UTRN: variants seen among roughly 807,000 people sequenced by gnomAD.
The protein encoded by UTRN is dystrophin-related protein 1.
A neutral mutation model predicts 463.9 loss-of-function variants in UTRN; 283 were observed. The ratio of observed to expected loss-of-function variants is 0.61; its 90% CI spans 0.55 to 0.67. UTRN has a LOEUF of 0.67. Ranked by LOEUF, UTRN falls within the 30% of genes least tolerant of loss-of-function variation. The pLI, the probability that UTRN is intolerant of heterozygous loss-of-function variation, is 0.00. For synonymous variants in UTRN, 1,442 were observed against 1,431.5 expected (o/e 1.01, Z -0.17); for missense variants, 3,922 against 4,084.3 (o/e 0.96, Z 1.08).
intron 2 of UTRN, among the ~76,000 whole-genome samples, chr6:144,296,390 CT>C (rs1804703033): frequency 6.6e-6 from 1 of 152,258 alleles, no homozygotes; most frequent in Admixed American, 6.5e-5. Context: ...AACCATCCCC[CT>C]CATCCCTTGG....
chr6:144,330,140 G>C (rs535786567), intron 2 of UTRN, among the ~76,000 whole-genome samples: 1 of 152,324 alleles, frequency 6.6e-6, no homozygotes, highest in Admixed American at 6.5e-5. Context: ...ATCTATTCAA[G>C]TCCATAGTTC....
chr6:144,636,010 G>A (rs1467427296), intron 51 of UTRN, among the ~76,000 whole-genome samples: 3 of 152,006 alleles, frequency 2.0e-5, no homozygotes, highest in Non-Finnish European at 2.9e-5. Context: ...TAATTTATAT[G>A]TATGAATTTT....
intron 54 of UTRN, among the ~76,000 whole-genome samples, chr6:144,746,157 T>C (rs1023211711): frequency 1.3e-5 from 2 of 151,830 alleles, no homozygotes; most frequent in Non-Finnish European, 2.9e-5. Context: ...TGCGCTACCA[T>C]ACCCAGCTAA....
In UTRN at chr6:144,487,662, G is replaced by A; in HGVS notation, c.3937G>A (p.Ala1313Thr). 1.9e-6 allele frequency: 3 copies of A among 1,612,484 alleles called. No individual in the cohort carries two copies. The highest frequency in any genetic ancestry group is 2.5e-6 in the Non-Finnish European group (3 of 1,179,112). Reference protein sequence around the residue: ...LDDIISEKLEAFNSRYEDLSH... With the variant: ...LDDIISEKLETFNSRYEDLSH... ...TGATATAATCAGTGAGAAACTGGAG[G>A]CTTTCAACAGCCGATATGAAGATCT... Residue 1313 changes from alanine (A) to threonine (T), a missense_variant, in exon 29 of 75, where the codon GCT (alanine) becomes ACT (threonine). Physicochemically the swap from Ala to Thr is moderately conservative, Grantham distance 58. Around this residue, in one of 3 missense-constraint regions of UTRN, gnomAD observed 2,349 missense variants for 2,303.8 expected, o/e 1.02. Coordinates refer to ENST00000367545, the MANE Select transcript of UTRN (RefSeq NM_007124.3).
chr6:144,468,429 C>A (rs762810306), intron 23 of UTRN, among the ~76,000 whole-genome samples: 38 of 152,042 alleles, frequency 2.5e-4, no homozygotes, highest in Non-Finnish European at 4.3e-4. Flanking sequence ...ATTTTATATT[C>A]ATTTGAATAT....
At chr6:144,412,048 TTC>T (rs1472498308) in intron 3 of UTRN, among the ~76,000 whole-genome samples, 8 of 152,328 alleles carry the variant, frequency 5.3e-5, no homozygotes, top group South Asian at 4.1e-4. Context: ...GCTGTGTTTG[TTC>T]TTTTACCACA....
chr6:144,314,049 C>A (rs1173664561), intron 2 of UTRN, among the ~76,000 whole-genome samples: 1 of 151,914 alleles, frequency 6.6e-6, no homozygotes, highest in Non-Finnish European at 1.5e-5. Flanking sequence ...GGGAGGGGCT[C>A]AGAGAGGGAG....
intron 74 of UTRN, 49 bp downstream of exon 74, chr6:144,846,876 A>G: frequency 6.2e-7 from 1 of 1,609,872 alleles, no homozygotes; most frequent in East Asian, 2.2e-5. Flanking sequence ...CCCAACCTAG[A>G]GTAAGCAGAT....
intron 71 of UTRN, 156 bp downstream of exon 71, chr6:144,836,697 G>T: frequency 8.5e-7 from 1 of 1,181,638 alleles, no homozygotes; most frequent in East Asian, 2.6e-5. Flanking sequence ...CCTTTTACAT[G>T]TAAGCATATA....
At chr6:144,412,921 C>A (rs894134772) in intron 3 of UTRN, among the ~76,000 whole-genome samples, 1 of 152,114 alleles carries the variant, frequency 6.6e-6, no homozygotes, top group Non-Finnish European at 1.5e-5. Context: ...TAAGATGACA[C>A]TCATCAGACA....
chr6:144,829,350 A>G (rs186774027), intron 69 of UTRN, among the ~76,000 whole-genome samples: 85 of 152,216 alleles, frequency 5.6e-4, no homozygotes, highest in Middle Eastern at 3.4e-3. Context: ...TTATTTTATT[A>G]GCAACTAAGA....
At chr6:144,393,748 G>C (rs142282816) in intron 2 of UTRN, among the ~76,000 whole-genome samples, 1 of 152,252 alleles carries the variant, frequency 6.6e-6, no homozygotes, top group East Asian at 1.9e-4. Context: ...AGGAGAGAAA[G>C]AGGGGGAGAG....
chr6:144,684,239 G>C (rs141146227), intron 52 of UTRN, among the ~76,000 whole-genome samples: 1 of 151,752 alleles, frequency 6.6e-6, no homozygotes, highest in Non-Finnish European at 1.5e-5. Flanking sequence ...TAGTAGAGAC[G>C]AGGTTTCATC....
chr6:144,475,953 A>G (rs1791146518), intron 25 of UTRN, among the ~76,000 whole-genome samples: 2 of 151,032 alleles, frequency 1.3e-5, no homozygotes, highest in South Asian at 2.1e-4. Context: ...GTGTGCGCCT[A>G]TAGTCCCAGC....
chr6:144,779,737 A>C (rs1775650221), intron 60 of UTRN, among the ~76,000 whole-genome samples: 1 of 152,234 alleles, frequency 6.6e-6, no homozygotes, highest in Non-Finnish European at 1.5e-5. Flanking sequence ...GCGCTGTTCA[A>C]GCGTCAACTG....
chr6:144,425,614 ATC>A (rs530485436), intron 6 of UTRN, among the ~76,000 whole-genome samples: 21 of 151,962 alleles, frequency 1.4e-4, no homozygotes, highest in Non-Finnish European at 2.6e-4. Flanking sequence ...TCTCTATCTT[ATC>A]TCTCTCTCCA....
At position 144,738,245 on chromosome 6, in the gene UTRN, A is replaced by G. The variant is rs192953189; in HGVS notation, c.7939+7759A>G. On this transcript the variant is annotated intron_variant, in intron 54 of 74. Coordinates refer to ENST00000367545, the MANE Select transcript of UTRN (RefSeq NM_007124.3). ...TCTAGAGCCTCTTAAACTTGCATCC[A>G]TGTTTTCTGGTCTCTCCCTTGTGCT... Among the ~76,000 whole-genome samples the G allele has an allele frequency of 1.1e-3, 163 of 152,228 alleles. 1 individual carries two copies. Among genetic ancestry groups the G allele is most frequent in the Admixed American group, 0.01 (160 of 15,292 alleles).
chr6:144,577,032 G>A (rs1288859205), intron 50 of UTRN, 67 bp from the exon 51 acceptor site: 10 of 1,492,580 alleles, frequency 6.7e-6, no homozygotes, highest in African/African-American at 5.5e-5. Flanking sequence ...TTATTTAGGG[G>A]ATGCGTGATG....
At position 144,447,695 on chromosome 6, in the gene UTRN, G is replaced by A; in HGVS notation, c.1816G>A (p.Ala606Thr). The A allele has an allele frequency of 1.2e-6, 2 of 1,614,012 alleles. No homozygotes were observed. Among genetic ancestry groups the A allele is most frequent in the Non-Finnish European group, 1.7e-6 (2 of 1,179,954 alleles). ...GGGACAATTACTTGATAATTCCAAG[G>A]CATCTAAGAAGATCAACAGTGACTC... is the stretch of plus-strand genomic sequence containing the variant. ...DVGQLLDNSK[A>T]SKKINSDSEE... Residue 606 changes from alanine (A) to threonine (T), a missense_variant, in exon 16 of 75, where the codon GCA (alanine) becomes ACA (threonine). Transcript: ENST00000367545.
Sources: gnomAD v4.1 joint callset for allele counts (sites outside exome capture counted in the v4.1 genomes callset) on GRCh38, gnomAD v4.1.1 for gene constraint, gnomAD v4.1.1 regional missense constraint, MANE v1.5 for transcripts, NCBI Gene and HGNC (gene_info 2026-07-23, HGNC 2026-07-21) for gene names.